The following TMEM135 variants were observed in gnomAD, a reference collection of about 807,000 sequenced individuals.
The protein encoded by TMEM135 is peroxisomal membrane protein 52.
A neutral mutation model predicts 60.3 loss-of-function variants in TMEM135; 30 were observed. That is an observed-to-expected ratio of 0.50 (90% CI 0.37 to 0.68). The LOEUF (loss-of-function observed/expected upper bound fraction) is 0.68. Ranked by LOEUF, TMEM135 falls within the 30% of genes least tolerant of loss-of-function variation. The pLI is 0.00. For missense variants in TMEM135, 468 were observed against 548.8 expected (o/e 0.85, Z 1.47); for synonymous variants, 190 against 186.7 (o/e 1.02, Z -0.14).
chr11:87,121,639 C>CTTTTTTTTTT (rs542358265), intron 4 of TMEM135: 26 of 110,190 alleles, frequency 2.4e-4, no homozygotes, highest in East Asian at 5.8e-4. Flanking sequence ...TTTGAATGTA[C>CTTTTTTTTTT]TTTTTTTTTT....
At chr11:87,161,541 G>A (rs1288138048) in intron 5 of TMEM135, among the ~76,000 whole-genome samples, 2 of 152,082 alleles carry the variant, frequency 1.3e-5, no homozygotes, top group Admixed American at 6.6e-5. Context: ...AGAGAACAAA[G>A]TTTAACAATT....
At position 87,129,213 on chromosome 11, in the gene TMEM135, A is replaced by ATTTTTTT. The variant is rs71040295; in HGVS notation, c.397-28087_397-28081dup. On this transcript the variant is annotated intron_variant, in intron 4 of 14. Transcript: ENST00000305494. ...TTCTATACATGTTCCTTATTCCTTA[A>ATTTTTTT]TTTTTTTTTTTTTTTTTTTTTTTTT... is the stretch of plus-strand genomic sequence containing the variant. 2.8e-4 allele frequency among the ~76,000 whole-genome samples: 32 copies of ATTTTTTT among 116,192 alleles called. 3 individuals are homozygous for ATTTTTTT. The highest frequency in any genetic ancestry group is 4.9e-4 in the Non-Finnish European group (26 of 53,188). The allele number at this position is 116,192 out of a possible 152,430, so 76.2% of individuals were successfully genotyped here.
At chr11:87,214,825 A>C (rs999000902) in intron 5 of TMEM135, among the ~76,000 whole-genome samples, 10 of 152,186 alleles carry the variant, frequency 6.6e-5, no homozygotes, top group African/African-American at 2.4e-4. Flanking sequence ...TATAGAGTTA[A>C]GATGTGTTAG....
intron 5 of TMEM135, among the ~76,000 whole-genome samples, chr11:87,163,744 A>T (rs1938956998): frequency 6.8e-6 from 1 of 147,372 alleles, no homozygotes; most frequent in East Asian, 2.1e-4. Context: ...CTGGTGTGAG[A>T]TGGTATCTCA....
intron 2 of TMEM135, among the ~76,000 whole-genome samples, chr11:87,070,551 G>A (rs1038218414): frequency 1.3e-5 from 2 of 151,792 alleles, no homozygotes; most frequent in Non-Finnish European, 2.9e-5. Context: ...TAGGAGAATC[G>A]CTTGAACCCA....
chr11:87,120,540 C>T (rs530682154), intron 4 of TMEM135, among the ~76,000 whole-genome samples: 114 of 131,302 alleles, frequency 8.7e-4, no homozygotes, highest in African/African-American at 2.9e-3. Flanking sequence ...GGTATGATCT[C>T]GGCTCACTGC....
rs550812918 is a variant in TMEM135 at position 87,072,298 on chromosome 11, C to T, written c.362+683C>T. Among the ~76,000 whole-genome samples the T allele has an allele frequency of 3.3e-5, 5 of 152,274 alleles. No individual in the cohort carries two copies. The East Asian group carries it at 5.8e-4, about 18-fold the overall frequency. ...ATTAACAATAGTTTTTTATTATCAT[C>T]TAGATCTGTACTTCGCTTACTTTGC... On this transcript the variant is annotated intron_variant, in intron 3 of 14. Coordinates refer to ENST00000305494, the MANE Select transcript of TMEM135 (RefSeq NM_022918.4).
At chr11:87,043,473 C>T (rs976686563) in intron 1 of TMEM135, among the ~76,000 whole-genome samples, 1 of 151,896 alleles carries the variant, frequency 6.6e-6, no homozygotes, top group African/African-American at 2.4e-5. Context: ...CGCCTGTAAT[C>T]CCAGCACTTT....
chr11:87,173,611 C>G (rs1939296750), intron 5 of TMEM135, among the ~76,000 whole-genome samples: 1 of 152,104 alleles, frequency 6.6e-6, no homozygotes, highest in Admixed American at 6.6e-5. Flanking sequence ...ATGTCTGCCA[C>G]AAAATAAGCC....
intron 5 of TMEM135, among the ~76,000 whole-genome samples, chr11:87,202,989 T>C (rs1284186466): frequency 7.8e-6 from 1 of 128,286 alleles, no homozygotes; most frequent in Non-Finnish European, 1.5e-5. Context: ...GCCGAGATCA[T>C]GCCACTGCAC....
rs1165588181 is a variant in TMEM135 at position 87,324,497 on chromosome 11, T to C, written c.*3164T>C. 1 of 453,432 alleles carries C rather than the reference T, an allele frequency of 2.2e-6. No homozygotes were observed. Among genetic ancestry groups the C allele is most frequent in the Non-Finnish European group, 4.4e-6 (1 of 226,672 alleles). The allele number at this position is 453,432 out of a possible 1,614,324, so 28.1% of individuals were successfully genotyped here. ...AGTACAGTGGTGCAATCATAGCTCA[T>C]TGAAACCTCAAATTCCTTGGTTCAA... On this transcript the variant is annotated 3_prime_UTR_variant, in exon 15 of 15. Coordinates refer to ENST00000305494, the MANE Select transcript of TMEM135 (RefSeq NM_022918.4).
At chr11:87,250,170 T>C (rs1264483753) in intron 6 of TMEM135, among the ~76,000 whole-genome samples, 1 of 152,148 alleles carries the variant, frequency 6.6e-6, no homozygotes, top group Non-Finnish European at 1.5e-5. Flanking sequence ...ACTGTCTCCT[T>C]TTTCATCTCT....
At chr11:87,061,506 A>T (rs1447907127) in intron 1 of TMEM135, among the ~76,000 whole-genome samples, 3 of 152,142 alleles carry the variant, frequency 2.0e-5, no homozygotes, top group African/African-American at 7.2e-5. Flanking sequence ...CATAAAATTG[A>T]CTCTTATTTG....
chr11:87,125,195 T>C (rs763244030), intron 4 of TMEM135, among the ~76,000 whole-genome samples: 3 of 152,186 alleles, frequency 2.0e-5, no homozygotes, highest in Non-Finnish European at 2.9e-5. Flanking sequence ...CACATACATG[T>C]GTGTTGTGTT....
chr11:87,160,873 A>C (rs1370347939), intron 5 of TMEM135, among the ~76,000 whole-genome samples: 2 of 152,122 alleles, frequency 1.3e-5, no homozygotes, highest in Non-Finnish European at 2.9e-5. Flanking sequence ...ATTGACTCAC[A>C]TAAGCTGGAA....
intron 5 of TMEM135, among the ~76,000 whole-genome samples, chr11:87,202,893 C>G (rs1490491643): frequency 6.6e-6 from 1 of 151,424 alleles, no homozygotes; most frequent in Non-Finnish European, 1.5e-5. Context: ...ATTAGCTGGG[C>G]GTGGTGGCTG....
At chr11:87,281,345 T>G (rs1942056022) in intron 6 of TMEM135, among the ~76,000 whole-genome samples, 1 of 152,216 alleles carries the variant, frequency 6.6e-6, no homozygotes, top group African/African-American at 2.4e-5. Flanking sequence ...GAGTTACTCA[T>G]GTACTATGCA....
At chr11:87,085,278 C>G (rs1332132834) in intron 3 of TMEM135, among the ~76,000 whole-genome samples, 3 of 152,106 alleles carry the variant, frequency 2.0e-5, no homozygotes, top group Admixed American at 2.0e-4. Flanking sequence ...TCAGCAAAAG[C>G]TGTTAAGGAG....
In TMEM135 at chr11:87,236,609, G is replaced by C. The variant is rs1455481585; in HGVS notation, c.463-29G>C. On this transcript the variant is annotated intron_variant, in intron 5 of 14. Coordinates refer to ENST00000305494, the MANE Select transcript of TMEM135 (RefSeq NM_022918.4). ...CAAATGGTGATGTCAGTGTTCTTTT[G>C]CAAGTAATATATTTTCTCTTTGTTA... The C allele has an allele frequency of 1.9e-6, 3 of 1,606,344 alleles. No individual in the cohort carries two copies. In the African/African-American group the frequency reaches 4.0e-5, roughly 22 times the overall value.
Sources: gnomAD v4.1 joint callset for allele counts (sites outside exome capture counted in the v4.1 genomes callset) on GRCh38, gnomAD v4.1.1 for gene constraint, MANE v1.5 for transcripts, NCBI Gene and HGNC (gene_info 2026-07-23, HGNC 2026-07-21) for gene names.